The following BSCL2 variants were observed in gnomAD, a reference collection of about 807,000 sequenced individuals.
BSCL2 encodes the protein seipin.
A neutral mutation model predicts 57.4 loss-of-function variants in BSCL2; 41 were observed. The observed-to-expected ratio is 0.71, with a 90% CI of 0.56 to 0.93. BSCL2 has a LOEUF of 0.93. BSCL2 is among the 40% of genes least tolerant of loss of function. BSCL2 has a pLI of 0.00. For synonymous variants in BSCL2, 237 were observed against 227.3 expected (o/e 1.04, Z -0.38); for missense variants, 539 against 586.7 (o/e 0.92, Z 0.84).
chr11:62,707,161 G>T lies in BSCL2; in HGVS notation c.35C>A (p.Ala12Asp). 6.4e-7 allele frequency: 1 copy of T among 1,554,304 alleles called. No individual in the cohort carries two copies. The highest frequency in any genetic ancestry group is 1.4e-5 in the African/African-American group (1 of 73,386). ...STEKVDQKEE[A>D]GEKEVCGDQI... The stretch of plus-strand genomic sequence containing the variant: ...GTCTCCGCACACCTCTTTTTCCCCA[G>T]CTTCCTCCTTTTGGTCTACCTTTTC... The change falls in exon 1 of 11, where the codon GCT becomes GAT. Residue 12 changes from alanine to aspartate, a missense_variant. By Grantham distance (126) the Ala-to-Asp change is moderately radical. This residue lies in a region of BSCL2 where 218 missense variants were observed against 224.8 expected (regional missense o/e 0.97). Coordinates refer to ENST00000360796, the MANE Select transcript of BSCL2 (RefSeq NM_001122955.4).
chr11:62,699,747 C>T (rs1945585875), intron 3 of BSCL2, among the ~76,000 whole-genome samples: 1 of 145,454 alleles, frequency 6.9e-6, no homozygotes. Context: ...GGAGCAGTCT[C>T]GGCTCATTGC....
At chr11:62,691,651 G>T (rs1363712529) in intron 6 of BSCL2, among the ~76,000 whole-genome samples, 1 of 152,128 alleles carries the variant, frequency 6.6e-6, no homozygotes, top group Non-Finnish European at 1.5e-5. Context: ...CAGCCTCAAT[G>T]TTGTCTGTCT....
Position 62,705,464 on chromosome 11 carries a change from C to G in BSCL2, c.241G>C (p.Gly81Arg). 1.2e-6 allele frequency: 2 copies of G among 1,614,162 alleles called. No individual in the cohort carries two copies. The highest frequency in any genetic ancestry group is 1.7e-6 in the Non-Finnish European group (2 of 1,180,020). The change falls in exon 2 of 11, where the codon GGC becomes CGC. Residue 81 changes from glycine to arginine, a missense_variant. Transcript: ENST00000360796. ...VPALLWAQEV[G>R]QVLAGRARRL... ...CGGGCACGGCCTGCCAAGACTTGGC[C>G]CACCTCCTGGGCCCACAGTAAGGCA...
At position 62,707,337 on chromosome 11, in the gene BSCL2, C is replaced by T; in HGVS notation, c.-142G>A. On this transcript the variant is annotated 5_prime_UTR_variant, in exon 1 of 11. Transcript: ENST00000360796. ...AAATGGAGGGTCCCTGGGAGAGAAA[C>T]GAAGATTCAGGTGCTAAGTGCTGTG... 1 of 800,308 alleles carries T rather than the reference C, an allele frequency of 1.2e-6. No homozygotes were observed. The allele number at this position is 800,308 out of a possible 1,614,324, so 49.6% of individuals were successfully genotyped here.
chr11:62,706,386 C>CGGCGG (rs929263061), intron 1 of BSCL2: 630 of 922,462 alleles, frequency 6.8e-4, no homozygotes, highest in African/African-American at 5.3e-3. Context: ...GGGTCCAGCA[C>CGGCGG]GGCGGGGCGG....
At chr11:62,706,296 C>T (rs913080316) in intron 1 of BSCL2, 3 of 1,115,472 alleles carry the variant, frequency 2.7e-6, no homozygotes, top group East Asian at 9.7e-5. Flanking sequence ...TGAGACGGGA[C>T]TTCCGGCTCC....
At position 62,705,522 on chromosome 11, in the gene BSCL2, A is replaced by T. The variant is rs1362707867; in HGVS notation, c.183T>A (p.Ala61=). Reference sequence around the variant, plus strand: ...GAGGGTCGTTGACCATGGCCGGGAGAGCAGGGTGTCTGGCCCCAGGTTCAG... The same window carrying T: ...GAGGGTCGTTGACCATGGCCGGGAGTGCAGGGTGTCTGGCCCCAGGTTCAG... ...ARPEPGARHP[A]LPAMVNDPPV... is the part of the protein sequence containing the mutation. Residue 61 remains alanine, a synonymous_variant, in exon 2 of 11, where the codon GCT becomes GCA. Coordinates refer to ENST00000360796, the MANE Select transcript of BSCL2 (RefSeq NM_001122955.4). 6.2e-7 allele frequency: 1 copy of T among 1,613,196 alleles called. No individual in the cohort carries two copies. The highest frequency in any genetic ancestry group is 1.1e-5 in the South Asian group (1 of 91,042).
At chr11:62,705,266 A>C in intron 2 of BSCL2, 35 bp downstream of exon 2, 1 of 1,555,290 alleles carries the variant, frequency 6.4e-7, no homozygotes, top group Non-Finnish European at 8.8e-7. Flanking sequence ...CAATTCCCAT[A>C]GGAGTCCTCT....
chr11:62,698,413 G>A (rs1365771776), intron 3 of BSCL2, among the ~76,000 whole-genome samples: 3 of 140,516 alleles, frequency 2.1e-5, no homozygotes, highest in Non-Finnish European at 4.6e-5. Context: ...TGGTCAGGCT[G>A]GTCTTGAACC....
rs764682700 is a variant in BSCL2, at chr11:62,690,851, C to T, written c.1089G>A (p.Glu363=). 2.5e-6 allele frequency: 4 copies of T among 1,613,672 alleles called. No individual in the cohort carries two copies. The highest frequency in any genetic ancestry group is 3.4e-6 in the Non-Finnish European group (4 of 1,180,018). Residue 363 remains glutamate (E), a synonymous_variant, in exon 9 of 11, where the codon GAG becomes GAA. Coordinates refer to ENST00000360796, the MANE Select transcript of BSCL2 (RefSeq NM_001122955.4). ...TAACATCTGATTGCGGAGTTGACTC[C>T]TCCTGGCCTTCAGGCCCTGCACCTC... ...SAHQPGPEGQ[E]ESTPQSDVTE...
chr11:62,696,446 G>GCACATGCAAC (rs1378154567), intron 3 of BSCL2, among the ~76,000 whole-genome samples: 1 of 150,296 alleles, frequency 6.7e-6, no homozygotes, highest in Non-Finnish European at 1.5e-5. Context: ...CGGACTATAG[G>GCACATGCAAC]CACATGCAAC....
intron 4 of BSCL2, 84 bp downstream of exon 4, chr11:62,694,484 C>T: frequency 6.3e-7 from 1 of 1,599,994 alleles, no homozygotes; most frequent in Admixed American, 1.7e-5. Flanking sequence ...GGATTATAGG[C>T]CTGAGCCACC....
rs151018278 is a variant in BSCL2 at position 62,692,416 on chromosome 11, C to T, written c.823G>A (p.Gly275Arg). ...EIHSKRIQLY[G>R]AYLRIHAHFT... The stretch of plus-strand genomic sequence containing the variant: ...TGCGCGTGGATGCGGAGGTAGGCTC[C>T]ATACAGCTGGATGCGCTTGCTGTGG... Residue 275 changes from glycine (G) to arginine (R), a missense_variant, in exon 6 of 11, where the codon GGA (glycine) becomes AGA (arginine). Transcript: ENST00000360796. The T allele has an allele frequency of 5.5e-5, 88 of 1,614,160 alleles. No individual in the cohort carries two copies. The African/African-American group carries it at 1.1e-3, about 21-fold the overall frequency.
chr11:62,708,118 C>G, upstream of BSCL2: 1 of 622,122 alleles, frequency 1.6e-6, no homozygotes. Flanking sequence ...TCATCCCACC[C>G]TATTTTTTTC....
intron 3 of BSCL2, among the ~76,000 whole-genome samples, chr11:62,696,299 T>TGTGTGTGTGTGTGA (rs1945460358): frequency 6.6e-6 from 1 of 151,298 alleles, no homozygotes. Flanking sequence ...TGTGTGTGTG[T>TGTGTGTGTGTGTGA]GTGTGTGTGT....
intron 3 of BSCL2, among the ~76,000 whole-genome samples, chr11:62,695,407 TAA>T (rs779692168): frequency 3.2e-4 from 43 of 136,032 alleles, no homozygotes; most frequent in Non-Finnish European, 3.7e-4. Flanking sequence ...GGTAATGGGT[TAA>T]AAAAAAAAAA....
At chr11:62,698,079 T>C (rs949831756) in intron 3 of BSCL2, among the ~76,000 whole-genome samples, 5 of 151,604 alleles carry the variant, frequency 3.3e-5, no homozygotes, top group African/African-American at 1.2e-4. Context: ...ACCTAATTTT[T>C]TGTATTTTTA....
chr11:62,696,278 T>TTGTGTGTGTGTGTGTGTG lies in BSCL2; in HGVS notation c.487-1585_487-1568dup, dbSNP rs1197051764. Among the ~76,000 whole-genome samples the TTGTGTGTGTGTGTGTGTG allele has an allele frequency of 4.9e-3, 668 of 136,298 alleles. 7 individuals are homozygous for TTGTGTGTGTGTGTGTGTG. Among genetic ancestry groups the TTGTGTGTGTGTGTGTGTG allele is most frequent in the South Asian group, 7.0e-3 (28 of 4,020 alleles). The allele number at this position is 136,298 out of a possible 152,430, so 89.4% of individuals were successfully genotyped here. A position where few individuals can be genotyped will look rare whatever the true frequency, so the allele number is the denominator to read the frequency against. On this transcript the variant is annotated intron_variant, in intron 3 of 10. Transcript: ENST00000360796. The stretch of plus-strand genomic sequence containing the variant: ...TTAAGCCAGTTGCTTCATAAACTTT[T>TTGTGTGTGTGTGTGTGTG]TGTGTGTGTGTGTGTGTGTGTGTGT...
chr11:62,694,605 G>C lies in BSCL2; in HGVS notation c.593C>G (p.Thr198Ser), dbSNP rs1945402156. 6.2e-7 allele frequency: 1 copy of C among 1,613,968 alleles called. No individual in the cohort carries two copies. The highest frequency in any genetic ancestry group is 1.3e-5 in the African/African-American group (1 of 74,876). The change falls in exon 4 of 11, where the codon ACC becomes AGC. Residue 198 changes from threonine (T) to serine (S), a missense_variant. Around this residue, in one of 3 missense-constraint regions of BSCL2, gnomAD observed 73 missense variants for 122.0 expected, o/e 0.60. Coordinates refer to ENST00000360796, the MANE Select transcript of BSCL2 (RefSeq NM_001122955.4). The part of the protein sequence containing the change: ...GMFLVTISCY[T>S]RGGRIISTSS... The stretch of plus-strand genomic sequence containing the variant: ...AGTGGAGATGATTCGGCCACCTCTG[G>C]TGTAGCAGGAAATGGTGACCAAGAA...
Sources: allele counts gnomAD v4.1 joint callset (sites outside exome capture counted in the v4.1 genomes callset), GRCh38; gene constraint gnomAD v4.1.1; regional missense constraint gnomAD v4.1.1; transcripts MANE v1.5; gene names NCBI Gene and HGNC (gene_info 2026-07-23, HGNC 2026-07-21).